The following MAP2 variants were observed in gnomAD, a reference collection of about 807,000 sequenced individuals.
MAP2 encodes the protein microtubule-associated protein 2.
A neutral mutation model predicts 137.6 loss-of-function variants in MAP2; 14 were observed. The observed-to-expected ratio is 0.10, with a 90% confidence interval of 0.07 to 0.16. The LOEUF (loss-of-function observed/expected upper bound fraction) is 0.16, where lower values mean the gene tolerates loss of function less well. Ranked by LOEUF, MAP2 falls within the 10% of genes least tolerant of loss-of-function variation. The pLI, the probability that MAP2 is intolerant of heterozygous loss-of-function variation, is 1.00. For missense variants in MAP2, 2,088 were observed against 2,191.5 expected, an observed-to-expected ratio of 0.95 and a Z score of 0.94; for synonymous variants, 786 against 782.3, an observed-to-expected ratio of 1.00 and a Z score of -0.08.
rs1559691533 is a variant in MAP2, at chr2:209,731,332, A to C, written c.*935A>C. The C allele has an allele frequency of 6.6e-6, 1 of 152,570 alleles. No homozygotes were observed. Among genetic ancestry groups the C allele is most frequent in the Non-Finnish European group, 1.5e-5 (1 of 68,036 alleles). The allele number at this position is 152,570 out of a possible 1,614,324, so 9.5% of individuals were successfully genotyped here. A position where few individuals can be genotyped will look rare whatever the true frequency, so the allele number is the denominator to read the frequency against. ...AGCAGGGTTCTCTCCCTATTTAAAA[A>C]AAATACATTAAAAAAGACAAAAAAT... On this transcript the variant is annotated 3_prime_UTR_variant, in exon 16 of 16. Coordinates refer to ENST00000682079, the MANE Select transcript of MAP2 (RefSeq NM_001375505.1).
intron 1 of MAP2, among the ~76,000 whole-genome samples, chr2:209,478,856 C>G (rs1176629833): frequency 1.3e-5 from 2 of 152,278 alleles, no homozygotes; most frequent in East Asian, 1.9e-4. Flanking sequence ...GTATTTTCAT[C>G]AGACATTCTC....
chr2:209,441,163 A>C (rs1446350284), intron 1 of MAP2, among the ~76,000 whole-genome samples: 1 of 151,574 alleles, frequency 6.6e-6, no homozygotes, highest in East Asian at 1.9e-4. Context: ...AAAGACAGAT[A>C]CAACTTTACA....
intron 2 of MAP2, among the ~76,000 whole-genome samples, chr2:209,546,959 A>G (rs1436572988): frequency 6.6e-6 from 1 of 152,220 alleles, no homozygotes; most frequent in African/African-American, 2.4e-5. Context: ...ACACTTTATC[A>G]TACTTTCCAA....
intron 2 of MAP2, among the ~76,000 whole-genome samples, chr2:209,552,628 C>T (rs936498339): frequency 3.9e-5 from 6 of 152,064 alleles, no homozygotes; most frequent in South Asian, 2.1e-4. Context: ...TTTGGGAGGC[C>T]GAGGCGGGTG....
intron 2 of MAP2, among the ~76,000 whole-genome samples, chr2:209,517,187 G>A (rs2062634059): frequency 6.6e-6 from 1 of 152,054 alleles, no homozygotes; most frequent in African/African-American, 2.4e-5. Context: ...TAGGGACTAA[G>A]TAGATATGTA....
chr2:209,474,329 G>T (rs1239133706), intron 1 of MAP2, among the ~76,000 whole-genome samples: 1 of 152,064 alleles, frequency 6.6e-6, no homozygotes, highest in African/African-American at 2.4e-5. Flanking sequence ...TTGTCAGTTG[G>T]ATTTTTTTTT....
intron 2 of MAP2, among the ~76,000 whole-genome samples, chr2:209,571,497 A>C (rs2074391371): frequency 6.6e-6 from 1 of 151,974 alleles, no homozygotes; most frequent in African/African-American, 2.4e-5. Flanking sequence ...ACAGTTTTCC[A>C]AAGTGGTTGT....
intron 14 of MAP2, among the ~76,000 whole-genome samples, chr2:209,729,469 C>T (rs1174155039): frequency 1.3e-5 from 2 of 151,946 alleles, no homozygotes; most frequent in Non-Finnish European, 2.9e-5. Flanking sequence ...TAATTTGGTC[C>T]CTTAGAAATA....
chr2:209,521,344 A>G (rs2063251341), intron 2 of MAP2, among the ~76,000 whole-genome samples: 1 of 151,928 alleles, frequency 6.6e-6, no homozygotes, highest in South Asian at 2.1e-4. Flanking sequence ...TTTATTAATA[A>G]TTTCAAAATA....
At chr2:209,502,055 G>A (rs896101357) in intron 1 of MAP2, among the ~76,000 whole-genome samples, 2 of 152,056 alleles carry the variant, frequency 1.3e-5, no homozygotes, top group African/African-American at 4.8e-5. Context: ...CTAGAGTGAA[G>A]CAAATTAACA....
At chr2:209,450,520 C>T (rs1346753737) in intron 1 of MAP2, among the ~76,000 whole-genome samples, 1 of 152,182 alleles carries the variant, frequency 6.6e-6, no homozygotes, top group Non-Finnish European at 1.5e-5. Context: ...CTACTTCCTA[C>T]ACTTCAGTAT....
intron 1 of MAP2, among the ~76,000 whole-genome samples, chr2:209,491,196 A>T (rs1174078540): frequency 6.6e-6 from 1 of 152,162 alleles, no homozygotes; most frequent in African/African-American, 2.4e-5. Flanking sequence ...CTAAATGACT[A>T]CTGGGTAAAT....
rs778919948 is a variant in MAP2, at chr2:209,704,627, C to T, written c.4585-953C>T. The T allele has an allele frequency of 7.6e-6, 12 of 1,581,602 alleles. No individual in the cohort carries two copies. The East Asian group carries it at 1.1e-4, about 15-fold the overall frequency. On this transcript the variant is annotated intron_variant, in intron 11 of 15. Transcript: ENST00000682079. ...CTCAAAATCAGGGAACAAGGTAAGG[C>T]GGCAGGTCAATAAAAGGTGCAGAAA...
intron 5 of MAP2, among the ~76,000 whole-genome samples, chr2:209,668,031 A>G (rs1234671139): frequency 1.3e-5 from 2 of 151,778 alleles, no homozygotes; most frequent in East Asian, 3.9e-4. Flanking sequence ...ATTTTTCTCA[A>G]CTCTACCACT....
chr2:209,566,521 C>G (rs16843118), intron 2 of MAP2, among the ~76,000 whole-genome samples: 2,994 of 152,280 alleles, frequency 0.02, 94 homozygotes, highest in African/African-American at 0.068. Context: ...CAAAGCTCTT[C>G]ATCCTCCAAC....
At chr2:209,512,556 TAC>T (rs150144839) in intron 2 of MAP2, among the ~76,000 whole-genome samples, 11,061 of 144,648 alleles carry the variant, frequency 0.076, 414 homozygotes, top group African/African-American at 0.11. Flanking sequence ...CCAGAAGTTA[TAC>T]ACACACACAC....
chr2:209,611,470 A>G (rs2086845470), intron 3 of MAP2, among the ~76,000 whole-genome samples: 1 of 151,854 alleles, frequency 6.6e-6, no homozygotes, highest in South Asian at 2.1e-4. Context: ...CACTGAAAAA[A>G]TATATATATA....
chr2:209,425,695 T>G, intron 1 of MAP2, among the ~76,000 whole-genome samples: 1 of 152,328 alleles, frequency 6.6e-6, no homozygotes, highest in East Asian at 1.9e-4. Context: ...TTATGCAAAA[T>G]GTCCCATGCA....
intron 2 of MAP2, among the ~76,000 whole-genome samples, chr2:209,535,404 GA>G (rs1404475600): frequency 1.3e-5 from 2 of 152,164 alleles, no homozygotes; most frequent in Non-Finnish European, 2.9e-5. Flanking sequence ...CATTGTGGTA[GA>G]CAGGTCTTTG....
Sources: allele counts gnomAD v4.1 joint callset (sites outside exome capture counted in the v4.1 genomes callset), GRCh38; gene constraint gnomAD v4.1.1; transcripts MANE v1.5; gene names NCBI Gene and HGNC (gene_info 2026-07-23, HGNC 2026-07-21).